The following PDE4B variants were observed in gnomAD, a reference collection of about 807,000 sequenced individuals.
PDE4B encodes phosphodiesterase 4B, also known as 3',5'-cyclic-AMP phosphodiesterase 4B.
Under a neutral mutation model 82.2 loss-of-function variants are expected in PDE4B, and 20 were observed. That is an observed-to-expected ratio of 0.24 (90% CI 0.17 to 0.35). The LOEUF (loss-of-function observed/expected upper bound fraction) is 0.35. Among genes scored for constraint, PDE4B ranks in the 10% least tolerant of loss-of-function variants. PDE4B has a pLI of 1.00. For missense variants in PDE4B, 655 were observed against 907.2 expected (o/e 0.72, Z 3.57); for synonymous variants, 320 against 318.9 (o/e 1.00, Z -0.04).
chr1:66,168,885 A>G (rs1646786456), intron 3 of PDE4B, among the ~76,000 whole-genome samples: 1 of 152,190 alleles, frequency 6.6e-6, no homozygotes, highest in Non-Finnish European at 1.5e-5. Flanking sequence ...TCCTGTCCTG[A>G]GGTCAGCTTC....
At chr1:66,286,897 C>A (rs1400879015) in intron 7 of PDE4B, among the ~76,000 whole-genome samples, 1 of 152,072 alleles carries the variant, frequency 6.6e-6, no homozygotes, top group Non-Finnish European at 1.5e-5. Context: ...TGTATGCCCC[C>A]CCATGGTAAT....
chr1:66,029,087 A>C (rs1193511067), intron 3 of PDE4B, among the ~76,000 whole-genome samples: 1 of 152,190 alleles, frequency 6.6e-6, no homozygotes. Context: ...CAAGACTGGG[A>C]AGGAAAAAAA....
intron 7 of PDE4B, among the ~76,000 whole-genome samples, chr1:66,310,986 C>T (rs1658629162): frequency 6.6e-6 from 1 of 152,164 alleles, no homozygotes; most frequent in South Asian, 2.1e-4. Context: ...ATTGATATGT[C>T]TGTCTCCCCT....
At chr1:66,006,203 AG>A (rs1335133578) in intron 3 of PDE4B, among the ~76,000 whole-genome samples, 1 of 152,214 alleles carries the variant, frequency 6.6e-6, no homozygotes, top group East Asian at 1.9e-4. Flanking sequence ...GGTTTCTTAC[AG>A]CTTTGCTGCA....
At chr1:66,183,818 A>G (rs1222667577) in intron 3 of PDE4B, among the ~76,000 whole-genome samples, 1 of 152,198 alleles carries the variant, frequency 6.6e-6, no homozygotes, top group Admixed American at 6.6e-5. Flanking sequence ...TAGAGAACTG[A>G]GGACAAAACA....
intron 3 of PDE4B, among the ~76,000 whole-genome samples, chr1:66,226,971 T>C (rs1376548897): frequency 2.6e-5 from 4 of 152,128 alleles, no homozygotes; most frequent in Non-Finnish European, 4.4e-5. Flanking sequence ...ACATTGGAAA[T>C]AGAGCCAACA....
intron 8 of PDE4B, among the ~76,000 whole-genome samples, chr1:66,341,925 G>T (rs544821154): frequency 1.3e-5 from 2 of 152,290 alleles, no homozygotes; most frequent in African/African-American, 4.8e-5. Context: ...ATATTACCAA[G>T]ATCCTAGTGG....
intron 1 of PDE4B, among the ~76,000 whole-genome samples, chr1:65,820,004 G>A (rs2101237500): frequency 6.6e-6 from 1 of 152,296 alleles, no homozygotes; most frequent in Non-Finnish European, 1.5e-5. Context: ...CGATTTGGTT[G>A]GAAAAGGTCT....
intron 16 of PDE4B, among the ~76,000 whole-genome samples, chr1:66,371,408 C>G (rs1371087929): frequency 6.6e-6 from 1 of 151,910 alleles, no homozygotes; most frequent in Non-Finnish European, 1.5e-5. Flanking sequence ...GTCCCCACCC[C>G]CAGTGTTTCC....
At chr1:66,369,451 T>C (rs1230577210) in intron 16 of PDE4B, among the ~76,000 whole-genome samples, 1 of 152,234 alleles carries the variant, frequency 6.6e-6, no homozygotes, top group Non-Finnish European at 1.5e-5. Flanking sequence ...CTCCCAAGGA[T>C]GCTTCTATGC....
chr1:65,919,440 T>C (rs1647200030), intron 3 of PDE4B, among the ~76,000 whole-genome samples: 1 of 152,230 alleles, frequency 6.6e-6, no homozygotes, highest in South Asian at 2.1e-4. Context: ...GTGGTTATTG[T>C]GCCATGACTG....
intron 3 of PDE4B, among the ~76,000 whole-genome samples, chr1:66,183,729 C>T (rs180868372): frequency 1.1e-4 from 17 of 152,238 alleles, no homozygotes; most frequent in Non-Finnish European, 2.2e-4. Context: ...TTAGCAGAGA[C>T]GTGTTGACCA....
chr1:66,251,130 C>T (rs550353709), intron 4 of PDE4B, among the ~76,000 whole-genome samples: 5 of 152,332 alleles, frequency 3.3e-5, no homozygotes, highest in African/African-American at 4.8e-5. Flanking sequence ...CATTGAATCT[C>T]TTTTATTGTC....
chr1:66,295,149 C>T (rs1186376406), intron 7 of PDE4B, among the ~76,000 whole-genome samples: 1 of 152,086 alleles, frequency 6.6e-6, no homozygotes, highest in African/African-American at 2.4e-5. Context: ...GAACCTGGGA[C>T]AGGTTTGTTC....
At chr1:65,973,677 C>G (rs1216175534) in intron 3 of PDE4B, among the ~76,000 whole-genome samples, 2 of 152,180 alleles carry the variant, frequency 1.3e-5, no homozygotes, top group Non-Finnish European at 2.9e-5. Flanking sequence ...CACAAGATCT[C>G]TCTCTTTAAA....
At chr1:66,024,400 T>C (rs1421098567) in intron 3 of PDE4B, among the ~76,000 whole-genome samples, 1 of 152,150 alleles carries the variant, frequency 6.6e-6, no homozygotes, top group Non-Finnish European at 1.5e-5. Context: ...TACTAGGTTC[T>C]GTCTGAACAT....
chr1:66,319,013 G>A (rs1194852040), intron 7 of PDE4B, among the ~76,000 whole-genome samples: 1 of 152,222 alleles, frequency 6.6e-6, no homozygotes, highest in Non-Finnish European at 1.5e-5. Flanking sequence ...TTTGTTTGCA[G>A]AAGAAAATCA....
intron 3 of PDE4B, among the ~76,000 whole-genome samples, chr1:66,026,411 T>TC (rs1653435763): frequency 6.6e-6 from 1 of 152,202 alleles, no homozygotes; most frequent in South Asian, 2.1e-4. Context: ...TGAGGCTGTA[T>TC]CATGGCAGCA....
At chr1:65,903,932 A>G (rs1013382291) in intron 1 of PDE4B, among the ~76,000 whole-genome samples, 1 of 152,188 alleles carries the variant, frequency 6.6e-6, no homozygotes, top group African/African-American at 2.4e-5. Context: ...TAGGCCATTA[A>G]TTCATTTGAA....
Sources: allele counts gnomAD v4.1 joint callset (sites outside exome capture counted in the v4.1 genomes callset), GRCh38; gene constraint gnomAD v4.1.1; transcripts MANE v1.5; gene names NCBI Gene and HGNC (gene_info 2026-07-23, HGNC 2026-07-21).